ECPAS: variants seen among roughly 807,000 people sequenced by gnomAD.
The protein encoded by ECPAS is Ecm29 proteasome adaptor and scaffold, also known as proteasome adapter and scaffold protein ECM29.
ECPAS carries 70 observed loss-of-function variants against 255.1 expected under a neutral mutation model. The ratio of observed to expected loss-of-function variants is 0.27; its 90% CI spans 0.23 to 0.33. The LOEUF is 0.33. Ranked by LOEUF, ECPAS falls within the 10% of genes least tolerant of loss-of-function variation. The pLI is 1.00. For synonymous variants in ECPAS, 784 were observed against 775.0 expected (o/e 1.01, Z -0.19); for missense variants, 1,817 against 2,206.4 (o/e 0.82, Z 3.54).
chr9:111,396,218 C>T (rs1007487248), intron 25 of ECPAS, among the ~76,000 whole-genome samples: 2 of 152,074 alleles, frequency 1.3e-5, no homozygotes, highest in Admixed American at 1.3e-4. Flanking sequence ...AGCTCAAATA[C>T]TAAAATATAT....
chr9:111,406,874 T>C (rs1232920780), intron 24 of ECPAS, among the ~76,000 whole-genome samples: 4 of 149,114 alleles, frequency 2.7e-5, no homozygotes, highest in Admixed American at 6.6e-5. Context: ...GAGATCCTAT[T>C]GTAAAAATAA....
At chr9:111,412,366 A>G (rs2098196031) in intron 20 of ECPAS, among the ~76,000 whole-genome samples, 1 of 152,228 alleles carries the variant, frequency 6.6e-6, no homozygotes, top group Non-Finnish European at 1.5e-5. Flanking sequence ...GGTGAAATTT[A>G]TTCACAGATG....
chr9:111,436,994 A>G lies in ECPAS; in HGVS notation c.654T>C (p.Tyr218=). The G allele has an allele frequency of 1.2e-6, 2 of 1,613,368 alleles. No individual in the cohort carries two copies. The highest frequency in any genetic ancestry group is 1.7e-6 in the Non-Finnish European group (2 of 1,179,664). Residue 218 remains tyrosine, a synonymous_variant, in exon 7 of 50, where the codon TAT becomes TAC. Coordinates refer to ENST00000684092, the MANE Select transcript of ECPAS (RefSeq NM_001364929.1). ...IPQPPPGMSF[Y]AAKRVIGDNP... Reference sequence around the variant, plus strand: ...TATCACCAATAACTCGTTTGGCTGCATAAAAGCTCATTCCCGGAGGAGGCT... The same window carrying G: ...TATCACCAATAACTCGTTTGGCTGCGTAAAAGCTCATTCCCGGAGGAGGCT...
chr9:111,388,995 A>T (rs1266636211), intron 31 of ECPAS, among the ~76,000 whole-genome samples: 1 of 152,274 alleles, frequency 6.6e-6, no homozygotes, highest in Non-Finnish European at 1.5e-5. Context: ...CATCTGGACC[A>T]AAAGTGTAAG....
rs1324393339 is a variant in ECPAS at position 111,437,070 on chromosome 9, G to A, written c.578C>T (p.Ser193Phe). ...GTTTGAAGAAGAACCCTGTGCTGAAGATGAATTTTGGCGACTCTGGGATTC... is the reference window on the plus strand; with the variant it reads ...GTTTGAAGAAGAACCCTGTGCTGAAAATGAATTTTGGCGACTCTGGGATTC... Reference protein sequence around the residue: ...LNESQSRQNSSSAQGSSSNSG... With the variant: ...LNESQSRQNSFSAQGSSSNSG... The change falls in exon 7 of 50, where the codon TCT (serine) becomes TTT (phenylalanine). Residue 193 changes from serine to phenylalanine, a missense_variant. Ser to Phe is a radical substitution (Grantham distance 155). Around this residue, in one of 4 missense-constraint regions of ECPAS, gnomAD observed 573 missense variants for 716.2 expected, o/e 0.80. Transcript: ENST00000684092. 2 of 1,610,290 alleles carry A rather than the reference G, an allele frequency of 1.2e-6. No homozygotes were observed. The highest frequency in any genetic ancestry group is 1.7e-6 in the Non-Finnish European group (2 of 1,178,876).
intron 24 of ECPAS, among the ~76,000 whole-genome samples, chr9:111,397,474 G>C (rs1256404951): frequency 6.6e-6 from 1 of 152,174 alleles, no homozygotes; most frequent in Non-Finnish European, 1.5e-5. Context: ...CAACTTTGAA[G>C]CCATGTAAGT....
At chr9:111,373,276 C>G in intron 40 of ECPAS, 39 bp downstream of exon 40, 4 of 1,612,978 alleles carry the variant, frequency 2.5e-6, no homozygotes, top group Non-Finnish European at 3.4e-6. Flanking sequence ...TTATAACTGT[C>G]AAAGAGTTTT....
At chr9:111,464,292 C>T (rs2098276617) in intron 2 of ECPAS, among the ~76,000 whole-genome samples, 1 of 151,232 alleles carries the variant, frequency 6.6e-6, no homozygotes, top group East Asian at 1.9e-4. Flanking sequence ...AAAAAATTAG[C>T]CAGGCATGGT....
At position 111,384,021 on chromosome 9, in the gene ECPAS, T is replaced by G. The variant is rs927214474; in HGVS notation, c.3681+501A>C. Among the ~76,000 whole-genome samples, 65 of 152,048 alleles carry G rather than the reference T, an allele frequency of 4.3e-4. 1 individual carries two copies. Among genetic ancestry groups the G allele is most frequent in the Non-Finnish European group, 1.0e-4 (7 of 68,016 alleles). On this transcript the variant is annotated intron_variant, in intron 34 of 49. Coordinates refer to ENST00000684092, the MANE Select transcript of ECPAS (RefSeq NM_001364929.1). Reference sequence around the variant, plus strand: ...AATAACGCTGGGTCACAGCACAATATAGTGGTCAAGATCACATGTGAAACA... The same window carrying G: ...AATAACGCTGGGTCACAGCACAATAGAGTGGTCAAGATCACATGTGAAACA...
At chr9:111,436,645 T>TA (rs552009615) in intron 7 of ECPAS, among the ~76,000 whole-genome samples, 7 of 151,040 alleles carry the variant, frequency 4.6e-5, no homozygotes, top group South Asian at 2.1e-4. Context: ...AGTTAAAAAA[T>TA]AAAAAAAAAT....
chr9:111,412,018 T>C lies in ECPAS; in HGVS notation c.2210A>G (p.Asn737Ser), dbSNP rs757182352. 6.4e-7 allele frequency: 1 copy of C among 1,552,270 alleles called. No individual in the cohort carries two copies. Among genetic ancestry groups the C allele is most frequent in the Non-Finnish European group, 8.6e-7 (1 of 1,159,304 alleles). The change falls in exon 21 of 50, where the codon AAT (asparagine) becomes AGT (serine). Residue 737 changes from asparagine to serine, a missense_variant. By Grantham distance (46) the Asn-to-Ser change is conservative (BLOSUM62 1). Coordinates refer to ENST00000684092, the MANE Select transcript of ECPAS (RefSeq NM_001364929.1). ...IEQLIKTTKDNHSPEIQHGSL... is the reference protein window; with the variant it reads ...IEQLIKTTKDSHSPEIQHGSL... ...AATGAAAACAAAATAACATACGTGA[T>C]TGTCTTTTGTAGTCTTTATAAGCTG...
chr9:111,417,109 G>A (rs962197681), intron 17 of ECPAS, among the ~76,000 whole-genome samples: 6 of 152,170 alleles, frequency 3.9e-5, no homozygotes, highest in Admixed American at 1.3e-4. Flanking sequence ...GCACGGTGGT[G>A]CACGCCTGTA....
chr9:111,483,885 T>G, intron 1 of ECPAS: 37 of 515,956 alleles, frequency 7.2e-5, no homozygotes, highest in Non-Finnish European at 8.2e-5. Context: ...TCACGCCGGT[T>G]TTATATTTAG....
At chr9:111,434,743 C>T (rs574928989) in intron 7 of ECPAS, among the ~76,000 whole-genome samples, 1 of 151,910 alleles carries the variant, frequency 6.6e-6, no homozygotes, top group South Asian at 2.1e-4. Context: ...GCACACACAC[C>T]GCCATGCCCG....
At chr9:111,372,720 G>A (rs1370455455) in intron 41 of ECPAS, 100 bp from the exon 42 acceptor site, 4 of 920,310 alleles carry the variant, frequency 4.3e-6, no homozygotes, top group Non-Finnish European at 6.4e-6. Context: ...AAAACAAACA[G>A]GTAAAATCAA....
intron 1 of ECPAS, 163 bp downstream of exon 1, chr9:111,483,953 G>GCCCT: frequency 1.0e-6 from 1 of 961,386 alleles, no homozygotes. Context: ...GCGCCCGCCC[G>GCCCT]CCCTCGCTCG....
At chr9:111,456,874 C>T (rs951588991) in intron 2 of ECPAS, among the ~76,000 whole-genome samples, 16 of 152,120 alleles carry the variant, frequency 1.1e-4, no homozygotes, top group African/African-American at 3.1e-4. Flanking sequence ...TCCAGGCTTA[C>T]CTCACAAGTA....
chr9:111,381,986 G>C (rs1278898816), intron 35 of ECPAS, among the ~76,000 whole-genome samples: 2 of 149,454 alleles, frequency 1.3e-5, no homozygotes, highest in African/African-American at 5.0e-5. Flanking sequence ...AGGCTAAACT[G>C]AGTTCACGTT....
chr9:111,391,447 G>T (rs559058728), intron 29 of ECPAS, among the ~76,000 whole-genome samples: 1 of 151,994 alleles, frequency 6.6e-6, no homozygotes, highest in Non-Finnish European at 1.5e-5. Context: ...CGTGGTGGCA[G>T]GTGCCTGTAA....
Sources: allele counts gnomAD v4.1 joint callset (sites outside exome capture counted in the v4.1 genomes callset), GRCh38; gene constraint gnomAD v4.1.1; regional missense constraint gnomAD v4.1.1; transcripts MANE v1.5; gene names NCBI Gene and HGNC (gene_info 2026-07-23, HGNC 2026-07-21).